Variants in CFAP46 observed in about 807,000 individuals in gnomAD.
CFAP46 encodes cilia- and flagella-associated protein 46.
A neutral mutation model predicts 325.7 loss-of-function variants in CFAP46; 245 were observed. The ratio of observed to expected loss-of-function variants is 0.75; its 90% CI spans 0.68 to 0.84. CFAP46 has a LOEUF of 0.84. Among genes scored for constraint, CFAP46 ranks in the 40% least tolerant of loss-of-function variants. The pLI is 0.00. For synonymous variants in CFAP46, 1,523 were observed against 1,495.9 expected, an observed-to-expected ratio of 1.02 and a Z score of -0.42; for missense variants, 3,346 against 3,543.0, an observed-to-expected ratio of 0.94 and a Z score of 1.41.
Position 132,812,649 on chromosome 10 carries a change from G to C in CFAP46, c.7501+136C>G, listed in dbSNP as rs1017784382. The C allele has an allele frequency of 8.0e-6, 5 of 628,640 alleles. No individual in the cohort carries two copies. In the African/African-American group the frequency reaches 9.1e-5, roughly 11 times the overall value. 38.9% of individuals were successfully genotyped at this position (628,640 alleles called of 1,614,324 possible). ...CAGACAGGAGGGGCCTGCAGTCACAGAGGGTGGGGGGCAGGAGGGGGCTGC... is the reference window on the plus strand; with the variant it reads ...CAGACAGGAGGGGCCTGCAGTCACACAGGGTGGGGGGCAGGAGGGGGCTGC... On this transcript the variant is annotated intron_variant, in intron 55 of 57. Coordinates refer to ENST00000368586, the MANE Select transcript of CFAP46 (RefSeq NM_001200049.3).
intron 25 of CFAP46, among the ~76,000 whole-genome samples, chr10:132,891,551 A>G (rs552830828): frequency 6.6e-6 from 1 of 152,244 alleles, no homozygotes; most frequent in Non-Finnish European, 1.5e-5. Flanking sequence ...TTTCTCTGAC[A>G]TATTTTGAAG....
Position 132,922,143 on chromosome 10 carries a change from C to A in CFAP46, c.1567G>T (p.Ala523Ser). The A allele has an allele frequency of 6.4e-7, 1 of 1,550,410 alleles. No homozygotes were observed. Among genetic ancestry groups the A allele is most frequent in the Non-Finnish European group, 8.7e-7 (1 of 1,146,952 alleles). The part of the protein sequence containing the change: ...VNAGLALAPD[A>S]FQIVLDSENE... ...TCACTGTCCAGCACAATCTGAAACGCGTCAGGGGCTAAGGCCAGGCCTGCA... is the reference window on the plus strand; with the variant it reads ...TCACTGTCCAGCACAATCTGAAACGAGTCAGGGGCTAAGGCCAGGCCTGCA... Residue 523 changes from alanine (A) to serine (S), a missense_variant, in exon 13 of 58, where the codon GCG becomes TCG. Transcript: ENST00000368586.
intron 10 of CFAP46, 120 bp from the exon 11 acceptor site, chr10:132,925,006 G>A (rs1344347090): frequency 2.2e-5 from 17 of 771,358 alleles, no homozygotes; most frequent in South Asian, 3.5e-5. Flanking sequence ...CCTGCGTGGC[G>A]TCATGCTCAA....
chr10:132,816,033 C>T (rs1052087534), intron 50 of CFAP46, among the ~76,000 whole-genome samples: 1 of 152,128 alleles, frequency 6.6e-6, no homozygotes, highest in Non-Finnish European at 1.5e-5. Context: ...TCAAATCCAT[C>T]GATGTCCTTT....
intron 36 of CFAP46, 39 bp downstream of exon 36, chr10:132,860,743 G>A (rs550241517): frequency 5.1e-5 from 79 of 1,543,602 alleles, no homozygotes; most frequent in African/African-American, 5.1e-4. Flanking sequence ...CACCTGGCCC[G>A]GCACCCGACA....
At position 132,939,118 on chromosome 10, in the gene CFAP46, ACT is replaced by A. The variant is rs1281202778; in HGVS notation, c.372-367_372-366del. On this transcript the variant is annotated intron_variant, in intron 4 of 57. Transcript: ENST00000368586. This position sits in a 1 kb window ranked among gnomAD's most constrained non-coding sequence, Gnocchi z 4.6. ...ACACCACTGGGCAAGGCCTCCTCTG[ACT>A]CTCAAGGGATAGACAAGAATGGGCA... Among the ~76,000 whole-genome samples, 1 of 152,090 alleles carries A rather than the reference ACT, an allele frequency of 6.6e-6. No individual in the cohort carries two copies. The highest frequency in any genetic ancestry group is 1.5e-5 in the Non-Finnish European group (1 of 67,996).
chr10:132,908,436 A>C (rs1345266650), intron 22 of CFAP46, 32 bp downstream of exon 22: 1 of 1,549,554 alleles, frequency 6.5e-7, no homozygotes, highest in East Asian at 2.4e-5. Flanking sequence ...GCCCGTTTTG[A>C]GGGAATTTGT....
intron 50 of CFAP46, among the ~76,000 whole-genome samples, chr10:132,820,997 CTGA>C (rs1467351530): frequency 1.8e-4 from 21 of 115,204 alleles, no homozygotes; most frequent in African/African-American, 5.9e-4. Context: ...TGTGTGTGTG[CTGA>C]TGTGTGCTGT....
At chr10:132,885,534 T>G (rs1376698390) in intron 26 of CFAP46, among the ~76,000 whole-genome samples, 1 of 150,972 alleles carries the variant, frequency 6.6e-6, no homozygotes, top group African/African-American at 2.4e-5. Flanking sequence ...AGTCTTCCAG[T>G]GCAAGTGGGA....
chr10:132,920,035 C>T lies in CFAP46; in HGVS notation c.1730+24G>A, dbSNP rs958696312. Reference sequence around the variant, plus strand: ...GACCCCCGGGCTGAGCTGTGCGTGGCGCTCTGGCCTTTTCCTCACTCACCT... The same window carrying T: ...GACCCCCGGGCTGAGCTGTGCGTGGTGCTCTGGCCTTTTCCTCACTCACCT... On this transcript the variant is annotated intron_variant, in intron 14 of 57. Coordinates refer to ENST00000368586, the MANE Select transcript of CFAP46 (RefSeq NM_001200049.3). The T allele has an allele frequency of 1.2e-4, 178 of 1,514,542 alleles. 1 individual carries two copies. The East Asian group carries it at 2.2e-3, about 18-fold the overall frequency. The allele number at this position is 1,514,542 out of a possible 1,614,324, so 93.8% of individuals were successfully genotyped here.
intron 7 of CFAP46, 106 bp from the exon 8 acceptor site, chr10:132,934,968 G>T: frequency 1.3e-6 from 1 of 784,994 alleles, no homozygotes; most frequent in Non-Finnish European, 2.2e-6. Flanking sequence ...CACTGAAGAG[G>T]AGACTGAAAA....
chr10:132,848,102 C>T (rs1591050607), intron 41 of CFAP46, among the ~76,000 whole-genome samples: 1 of 152,154 alleles, frequency 6.6e-6, no homozygotes, highest in South Asian at 2.1e-4. Flanking sequence ...GCACCACGTG[C>T]AGCCACTGCA....
At chr10:132,898,820 T>C (rs1849352669) in intron 24 of CFAP46, 139 bp downstream of exon 24, 3 of 1,196,382 alleles carry the variant, frequency 2.5e-6, no homozygotes, top group Non-Finnish European at 2.4e-6. Flanking sequence ...CTTAACCCCC[T>C]CCCCTCCTCG....
intron 8 of CFAP46, among the ~76,000 whole-genome samples, chr10:132,933,439 C>T (rs1043963362): frequency 6.6e-6 from 1 of 152,370 alleles, no homozygotes. Context: ...GAAGGGGATG[C>T]TCGGCCAGGG....
chr10:132,931,494 C>A (rs1314226201), intron 8 of CFAP46, among the ~76,000 whole-genome samples: 3 of 146,454 alleles, frequency 2.0e-5, no homozygotes, highest in Non-Finnish European at 3.0e-5. Context: ...CTCCTCTCTA[C>A]ACAGAGCCTG....
At position 132,861,562 on chromosome 10, in the gene CFAP46, A is replaced by C. The variant is rs147788188; in HGVS notation, c.4891-580T>G. ...GAGCGGCTCAGAGCCTCCCAGAGCC[A>C]GGCCTCCCCATCCGGGGGCCTGCAG... On this transcript the variant is annotated intron_variant, in intron 35 of 57. Transcript: ENST00000368586. Among the ~76,000 whole-genome samples, 1,410 of 152,316 alleles carry C rather than the reference A, an allele frequency of 9.3e-3. 12 individuals are homozygous for C. The highest frequency in any genetic ancestry group is 0.043 in the South Asian group (210 of 4,830).
At chr10:132,853,077 T>C (rs189266025) in intron 39 of CFAP46, among the ~76,000 whole-genome samples, 82 of 133,524 alleles carry the variant, frequency 6.1e-4, no homozygotes, top group South Asian at 1.7e-3. Context: ...AGGCCGGAAC[T>C]CCCATGTCAA....
chr10:132,833,639 G>A (rs909432887), intron 49 of CFAP46, 114 bp from the exon 50 acceptor site: 50 of 1,111,642 alleles, frequency 4.5e-5, no homozygotes, highest in Non-Finnish European at 5.8e-5. Flanking sequence ...CTGGCAGCCC[G>A]CCTTGACTCC....
At chr10:132,812,710 A>C in intron 55 of CFAP46, 75 bp downstream of exon 55, 1 of 1,038,670 alleles carries the variant, frequency 9.6e-7, no homozygotes, top group East Asian at 2.4e-5. Flanking sequence ...AGCAGGTGAC[A>C]GTGGCCCTGC....
Sources: allele counts gnomAD v4.1 joint callset (sites outside exome capture counted in the v4.1 genomes callset), GRCh38; gene constraint gnomAD v4.1.1; non-coding constraint Gnocchi (gnomAD v3.1); transcripts MANE v1.5; gene names NCBI Gene and HGNC (gene_info 2026-07-23, HGNC 2026-07-21).